The following BDP1 variants were observed in gnomAD, a reference collection of about 807,000 sequenced individuals.
BDP1 encodes BDP1 general transcription factor IIIB subunit, also known as transcription factor TFIIIB component B'' homolog.
Under a neutral mutation model 266.6 loss-of-function variants are expected in BDP1, and 169 were observed. The ratio of observed to expected loss-of-function variants is 0.63; its 90% CI spans 0.56 to 0.72. BDP1 has a LOEUF of 0.72. BDP1 is among the 30% of genes least tolerant of loss of function. BDP1 has a pLI of 0.00. For missense variants in BDP1, 3,015 were observed against 3,053.8 expected (o/e 0.99, Z 0.30); for synonymous variants, 1,090 against 1,022.4 (o/e 1.07, Z -1.26).
intron 15 of BDP1, 146 bp downstream of exon 15, chr5:71,502,937 G>A: frequency 1.5e-6 from 1 of 647,210 alleles, no homozygotes; most frequent in Non-Finnish European, 2.5e-6. Context: ...CGCCCAGGCT[G>A]GAATGCAGTG....
In BDP1 at chr5:71,501,558, A is replaced by G. The variant is rs151028489; in HGVS notation, c.1957-4A>G. 152 of 1,538,038 alleles carry G rather than the reference A, an allele frequency of 9.9e-5. No homozygotes were observed. In the African/African-American group the frequency reaches 1.8e-3, roughly 18 times the overall value. On this transcript the variant is annotated splice_region_variant and splice_polypyrimidine_tract_variant and intron_variant, in intron 13 of 38. Coordinates refer to ENST00000358731, the MANE Select transcript of BDP1 (RefSeq NM_018429.3). Reference sequence around the variant, plus strand: ...AGATAAATTGTAGCAAATTAAATTCACAGAACCACGTGGAAAAAGATAAAA... The same window carrying G: ...AGATAAATTGTAGCAAATTAAATTCGCAGAACCACGTGGAAAAAGATAAAA...
intron 8 of BDP1, among the ~76,000 whole-genome samples, chr5:71,485,177 G>A (rs1223228503): frequency 2.0e-5 from 3 of 152,130 alleles, no homozygotes; most frequent in African/African-American, 7.2e-5. Flanking sequence ...AGGATACAGT[G>A]TTGTATGCCT....
At chr5:71,559,298 A>G (rs1326556284) in intron 36 of BDP1, among the ~76,000 whole-genome samples, 2 of 152,210 alleles carry the variant, frequency 1.3e-5, no homozygotes, top group African/African-American at 2.4e-5. Context: ...CTGCTCTCCA[A>G]TAAAAGCATT....
chr5:71,480,471 C>T (rs1324881790), intron 7 of BDP1, among the ~76,000 whole-genome samples: 4 of 151,672 alleles, frequency 2.6e-5, no homozygotes, highest in South Asian at 2.1e-4. Context: ...GGTTTCATCA[C>T]GTTGGCCAGG....
chr5:71,541,789 C>T, intron 29 of BDP1, 107 bp downstream of exon 29: 1 of 716,788 alleles, frequency 1.4e-6, no homozygotes, highest in Non-Finnish European at 2.2e-6. Flanking sequence ...AATTTCTTAC[C>T]CTTTAAAGAT....
Position 71,501,673 on chromosome 5 carries a change from T to TTTAA in BDP1, c.2048+20_2048+21insTTAA. The TTTAA allele has an allele frequency of 1.8e-6, 1 of 544,678 alleles. No individual in the cohort carries two copies. The highest frequency in any genetic ancestry group is 3.0e-6 in the Non-Finnish European group (1 of 335,092). 33.7% of individuals were successfully genotyped at this position (544,678 alleles called of 1,614,324 possible). A position where few individuals can be genotyped will look rare whatever the true frequency, so the allele number is the denominator to read the frequency against. Reference sequence around the variant, plus strand: ...ATCTGTGTGAGTATTCAGGAAGTAGTAAAAAAAAAAAAAAAAAAAAGTAAC... The same window carrying TTTAA: ...ATCTGTGTGAGTATTCAGGAAGTAGTTTAAAAAAAAAAAAAAAAAAAAAAGTAAC... On this transcript the variant is annotated intron_variant, in intron 14 of 38. Transcript: ENST00000358731.
chr5:71,514,384 TAA>T (rs750354783), intron 19 of BDP1, among the ~76,000 whole-genome samples: 1 of 152,222 alleles, frequency 6.6e-6, no homozygotes, highest in Non-Finnish European at 1.5e-5. Context: ...ATATGTATTC[TAA>T]AAAGTGAGAG....
downstream of BDP1, among the ~76,000 whole-genome samples, chr5:71,571,600 T>C (rs756299076): frequency 1.5e-4 from 22 of 151,012 alleles, no homozygotes; most frequent in Non-Finnish European, 2.7e-4. Flanking sequence ...TAAACACGGA[T>C]TGCTGGGCCC....
chr5:71,485,347 C>A (rs773836879), intron 8 of BDP1, among the ~76,000 whole-genome samples: 19 of 151,814 alleles, frequency 1.3e-4, no homozygotes, highest in Non-Finnish European at 2.6e-4. Context: ...TAAATTAAAA[C>A]CTATATAAGT....
In BDP1 at chr5:71,525,446, A is replaced by T. The variant is rs76828286; in HGVS notation, c.5772+1123A>T. ...GCGGCTGGCCGGGCGGGGGGCTGAC[A>T]CCCCCCACCTCCCTCCCGGACGGGG... is the stretch of plus-strand genomic sequence containing the variant. On this transcript the variant is annotated intron_variant, in intron 25 of 38. Transcript: ENST00000358731. Among the ~76,000 whole-genome samples the T allele has an allele frequency of 3.2e-3, 159 of 49,220 alleles. 28 individuals carry two copies. Among genetic ancestry groups the T allele is most frequent in the African/African-American group, 0.012 (150 of 12,254 alleles). 32.3% of individuals were successfully genotyped at this position (49,220 alleles called of 152,430 possible). A position where few individuals can be genotyped will look rare whatever the true frequency, so the allele number is the denominator to read the frequency against.
intron 13 of BDP1, among the ~76,000 whole-genome samples, chr5:71,500,379 G>A (rs1764161485): frequency 7.6e-6 from 1 of 131,840 alleles, no homozygotes; most frequent in South Asian, 2.4e-4. Context: ...CAGCTGGAGT[G>A]CATGGTGTGA....
intron 13 of BDP1, 92 bp downstream of exon 13, chr5:71,497,518 A>G (rs944205420): frequency 4.4e-5 from 40 of 915,710 alleles, no homozygotes; most frequent in Non-Finnish European, 6.3e-5. Context: ...ATTACAAAGT[A>G]CTGTTACTGA....
At chr5:71,554,795 G>A (rs763061649) in intron 35 of BDP1, among the ~76,000 whole-genome samples, 2 of 152,076 alleles carry the variant, frequency 1.3e-5, no homozygotes, top group Non-Finnish European at 2.9e-5. Context: ...TACTAGTTGA[G>A]TATCCTTTAT....
Position 71,483,852 on chromosome 5 carries a change from A to T in BDP1, c.1025A>T (p.Lys342Ile). Reference sequence around the variant, plus strand: ...TTTTGTTGTTAACAGAATAAATTTAAACGGGAAGAGAAAACAAATGGATGG... The same window carrying T: ...TTTTGTTGTTAACAGAATAAATTTATACGGGAAGAGAAAACAAATGGATGG... ...RARIEIKNKFKREEKTNGWRI... is the reference protein window; with the variant it reads ...RARIEIKNKFIREEKTNGWRI... The change falls in exon 8 of 39, where the codon AAA becomes ATA. Residue 342 changes from lysine to isoleucine, a missense_variant. This residue lies in a region of BDP1 where 2,383 missense variants were observed against 2,404.9 expected (regional missense o/e 0.99). Transcript: ENST00000358731. The T allele has an allele frequency of 1.2e-6, 2 of 1,610,780 alleles. No homozygotes were observed. Among genetic ancestry groups the T allele is most frequent in the Non-Finnish European group, 1.7e-6 (2 of 1,177,848 alleles).
intron 37 of BDP1, among the ~76,000 whole-genome samples, chr5:71,561,395 G>A (rs1385501867): frequency 1.3e-5 from 2 of 152,194 alleles, no homozygotes; most frequent in African/African-American, 2.4e-5. Context: ...GAGCGAAACT[G>A]TCTCAAAAAA....
At chr5:71,558,380 A>C (rs983699651) in intron 36 of BDP1, among the ~76,000 whole-genome samples, 4 of 151,526 alleles carry the variant, frequency 2.6e-5, no homozygotes, top group Non-Finnish European at 5.9e-5. Context: ...AAAATTAGCC[A>C]GGCGTGGTGG....
At chr5:71,533,887 T>A (rs1329054400) in intron 26 of BDP1, among the ~76,000 whole-genome samples, 1 of 152,216 alleles carries the variant, frequency 6.6e-6, no homozygotes, top group African/African-American at 2.4e-5. Flanking sequence ...CATTTGTATA[T>A]CATCTTTGAG....
chr5:71,541,164 A>G (rs922538005), intron 28 of BDP1, among the ~76,000 whole-genome samples: 2 of 152,202 alleles, frequency 1.3e-5, no homozygotes, highest in Non-Finnish European at 2.9e-5. Flanking sequence ...TTATATAATT[A>G]CTGAAAGTAA....
chr5:71,473,012 A>C (rs1337409020), intron 7 of BDP1, among the ~76,000 whole-genome samples: 1 of 146,494 alleles, frequency 6.8e-6, no homozygotes, highest in Non-Finnish European at 1.5e-5. Flanking sequence ...CCTCCTGAGT[A>C]GTTGGGACTA....
Sources: gnomAD v4.1 joint callset for allele counts (sites outside exome capture counted in the v4.1 genomes callset) on GRCh38, gnomAD v4.1.1 for gene constraint, gnomAD v4.1.1 regional missense constraint, MANE v1.5 for transcripts, NCBI Gene and HGNC (gene_info 2026-07-23, HGNC 2026-07-21) for gene names.